NDUFB6: variants seen among roughly 807,000 people sequenced by gnomAD.
NDUFB6 encodes NADH dehydrogenase [ubiquinone] 1 beta subcomplex subunit 6.
NDUFB6 carries 23 observed loss-of-function variants against 17.5 expected under a neutral mutation model. The ratio of observed to expected loss-of-function variants is 1.31; its 90% CI spans 0.94 to 1.86. The LOEUF is 1.86. NDUFB6 is among the 40% of genes most tolerant of loss of function. The probability of loss-of-function intolerance (pLI) is 0.00; values close to 1 mark genes in which losing one functional copy is unlikely to be tolerated. For synonymous variants in NDUFB6, 60 were observed against 53.5 expected (o/e 1.12, Z -0.53); for missense variants, 167 against 153.8 (o/e 1.09, Z -0.46).
chr9:32,556,880 G>C (rs1821472740), intron 3 of NDUFB6, among the ~76,000 whole-genome samples: 1 of 138,764 alleles, frequency 7.2e-6, no homozygotes, highest in Admixed American at 7.3e-5. Flanking sequence ...TTTGAGGCAG[G>C]GTGCTCTGTC....
intron 2 of NDUFB6, chr9:32,566,215 T>TCATAG: frequency 6.0e-6 from 5 of 831,296 alleles, no homozygotes; most frequent in Non-Finnish European, 8.4e-6. Flanking sequence ...TCTGTTCAGG[T>TCATAG]CATAGCTGGT....
intron 2 of NDUFB6, among the ~76,000 whole-genome samples, chr9:32,563,197 AAT>A (rs1821676810): frequency 1.3e-5 from 2 of 152,214 alleles, no homozygotes. Flanking sequence ...CATTATCAAT[AAT>A]GTTAATTTAG....
rs1369138077 is a variant in NDUFB6, at chr9:32,572,862, G to A, written c.180+19C>T. ...GCAGTGGGATGTGTTGGGGGGGACC[G>A]GAGAGGTCTGTCACTCACCATTTTC... On this transcript the variant is annotated intron_variant, in intron 1 of 3. Transcript: ENST00000379847. The A allele has an allele frequency of 3.2e-6, 5 of 1,542,160 alleles. No homozygotes were observed. The highest frequency in any genetic ancestry group is 1.7e-4 in the Middle Eastern group (1 of 5,762).
rs1444395179 is a variant in NDUFB6, at chr9:32,573,052, C to T, written c.9G>A (p.Gly3=). ...GCCGCAGTTTCTCATCCGGAGTGTACCCCGTCATGTCGCCGCTGGTACCAA... is the reference window on the plus strand; with the variant it reads ...GCCGCAGTTTCTCATCCGGAGTGTATCCCGTCATGTCGCCGCTGGTACCAA... MT[G]YTPDEKLRLQ... Residue 3 remains glycine, a synonymous_variant, in exon 1 of 4, where the codon GGG becomes GGA. Coordinates refer to ENST00000379847, the MANE Select transcript of NDUFB6 (RefSeq NM_002493.5). The T allele has an allele frequency of 1.3e-6, 2 of 1,569,390 alleles. No individual in the cohort carries two copies. The highest frequency in any genetic ancestry group is 1.9e-5 in the Admixed American group (1 of 53,522).
rs917082207 is a variant in NDUFB6, at chr9:32,562,725, A to G, written c.274-3771T>C. On this transcript the variant is annotated intron_variant, in intron 2 of 3. Transcript: ENST00000379847. ...CAACTATCAAGATCAGGAAATTAAC[A>G]CTCATACATTACTATCTCTACCTGA... is the stretch of plus-strand genomic sequence containing the variant. Among the ~76,000 whole-genome samples, 2 of 152,176 alleles carry G rather than the reference A, an allele frequency of 1.3e-5. 1 individual carries two copies. The highest frequency in any genetic ancestry group is 1.3e-4 in the Admixed American group (2 of 15,274).
intron 2 of NDUFB6, 102 bp from the exon 3 acceptor site, chr9:32,559,056 C>G: frequency 2.9e-6 from 2 of 698,976 alleles, no homozygotes; most frequent in Non-Finnish European, 4.9e-6. Flanking sequence ...TCCAAACTTT[C>G]ACAGAACTCC....
intron 2 of NDUFB6, among the ~76,000 whole-genome samples, chr9:32,565,793 G>A (rs142257218): frequency 0.018 from 2,779 of 152,182 alleles, 85 homozygotes; most frequent in African/African-American, 0.062. Context: ...CCAACATGGC[G>A]AAACCCTGTC....
At position 32,568,748 on chromosome 9, in the gene NDUFB6, A is replaced by ATATG. The variant is rs1213123923; in HGVS notation, c.273+2211_273+2212insCATA. 11 of 114,364 alleles carry ATATG rather than the reference A, an allele frequency of 9.6e-5. No individual in the cohort carries two copies. In the South Asian group the frequency reaches 2.3e-3, roughly 24 times the overall value. 7.1% of individuals were successfully genotyped at this position (114,364 alleles called of 1,614,324 possible). On this transcript the variant is annotated intron_variant, in intron 2 of 3. Transcript: ENST00000379847. The stretch of plus-strand genomic sequence containing the variant: ...TGTGTGTGCATATATATATATATAT[A>ATATG]TTTTTTTTTTTTTTTTTTTTGAGAT...
At chr9:32,560,675 A>C (rs1302325959) in intron 2 of NDUFB6, among the ~76,000 whole-genome samples, 3 of 152,230 alleles carry the variant, frequency 2.0e-5, no homozygotes, top group Non-Finnish European at 4.4e-5. Flanking sequence ...TCGAAATAAA[A>C]TTGAACACAC....
rs367629179 is a variant in NDUFB6 at position 32,571,044 on chromosome 9, C to T, written c.189G>A (p.Gly63=). The T allele has an allele frequency of 6.3e-7, 1 of 1,598,712 alleles. No individual in the cohort carries two copies. The highest frequency in any genetic ancestry group is 1.3e-5 in the African/African-American group (1 of 74,156). ...NKSPWRKMVH[G]VYKKSIFVFT... is the part of the protein sequence containing the mutation. ...AAACAAAGATACTCTTTTTGTATACCCCATGGACCTGGGGGGAAAAACACA... is the reference window on the plus strand; with the variant it reads ...AAACAAAGATACTCTTTTTGTATACTCCATGGACCTGGGGGGAAAAACACA... The change falls in exon 2 of 4, where the codon GGG becomes GGA. Residue 63 remains glycine (G), a synonymous_variant. Coordinates refer to ENST00000379847, the MANE Select transcript of NDUFB6 (RefSeq NM_002493.5).
At chr9:32,566,851 CG>C in intron 2 of NDUFB6, 1 of 816,550 alleles carries the variant, frequency 1.2e-6, no homozygotes, top group Non-Finnish European at 2.0e-6. Context: ...CAGTAGCTGC[CG>C]GGCGGCCTGG....
intron 3 of NDUFB6, among the ~76,000 whole-genome samples, chr9:32,557,433 T>C (rs977525446): frequency 2.0e-5 from 3 of 150,742 alleles, no homozygotes; most frequent in Non-Finnish European, 2.9e-5. Flanking sequence ...CTTCCCATAG[T>C]GCTGTAATTA....
At chr9:32,563,706 CAT>C (rs1326256899) in intron 2 of NDUFB6, among the ~76,000 whole-genome samples, 1 of 152,062 alleles carries the variant, frequency 6.6e-6, no homozygotes, top group African/African-American at 2.4e-5. Context: ...CTAATTCTAT[CAT>C]TCAGCAAATT....
chr9:32,559,796 T>C lies in NDUFB6; in HGVS notation c.274-842A>G, dbSNP rs942779017. Among the ~76,000 whole-genome samples, 11 of 152,048 alleles carry C rather than the reference T, an allele frequency of 7.2e-5. No individual in the cohort carries two copies. In the South Asian group the frequency reaches 1.0e-3, roughly 14 times the overall value. ...TAACATTAATATACCTCTTTGTTTA[T>C]ATATTTATTACCAGTCTCTAAAACT... On this transcript the variant is annotated intron_variant, in intron 2 of 3. Transcript: ENST00000379847.
intron 1 of NDUFB6, 50 bp downstream of exon 1, chr9:32,572,831 C>A: frequency 6.8e-7 from 1 of 1,474,060 alleles, no homozygotes. Context: ...GTTCAGGCTG[C>A]CGGCAGCAGT....
intron 3 of NDUFB6, among the ~76,000 whole-genome samples, 162 bp downstream of exon 3, chr9:32,558,744 CTGTT>C (rs1177418853): frequency 2.0e-5 from 3 of 149,736 alleles, no homozygotes; most frequent in Non-Finnish European, 4.4e-5. Flanking sequence ...GTATTTCTTC[CTGTT>C]TTTTTTTGTT....
In NDUFB6 at chr9:32,572,998, T is replaced by A; in HGVS notation, c.63A>T (p.Arg21=). 2 of 1,610,184 alleles carry A rather than the reference T, an allele frequency of 1.2e-6. No individual in the cohort carries two copies. Among genetic ancestry groups the A allele is most frequent in the Non-Finnish European group, 1.7e-6 (2 of 1,177,898 alleles). Residue 21 remains arginine, a synonymous_variant, in exon 1 of 4, where the codon CGA becomes CGT. Transcript: ENST00000379847. The part of the protein sequence containing the change: ...RLQQLRELRR[R]WLKDQELSPR... ...GGCTCAGCTCCTGGTCCTTCAGCCA[T>A]CGCCTTCTCAGCTCTCGCAGCTGCT...
At chr9:32,569,540 A>G (rs1402669316) in intron 2 of NDUFB6, among the ~76,000 whole-genome samples, 2 of 152,178 alleles carry the variant, frequency 1.3e-5, no homozygotes, top group Admixed American at 6.5e-5. Flanking sequence ...TTAAGGCAGC[A>G]TATCAACCTG....
intron 3 of NDUFB6, among the ~76,000 whole-genome samples, chr9:32,556,907 A>C (rs1821474240): frequency 7.7e-6 from 1 of 130,454 alleles, no homozygotes; most frequent in African/African-American, 3.0e-5. Flanking sequence ...GCTGGAGTGC[A>C]GTGGCGCAAT....
Sources: allele counts gnomAD v4.1 joint callset (sites outside exome capture counted in the v4.1 genomes callset), GRCh38; gene constraint gnomAD v4.1.1; transcripts MANE v1.5; gene names NCBI Gene and HGNC (gene_info 2026-07-23, HGNC 2026-07-21).